The following BRAP variants were observed in gnomAD, a reference collection of about 807,000 sequenced individuals.
The protein encoded by BRAP is BRCA1 associated protein.
A neutral mutation model predicts 73.4 loss-of-function variants in BRAP; 42 were observed. The observed-to-expected ratio is 0.57, with a 90% CI of 0.45 to 0.74. The LOEUF is 0.74. BRAP is among the 30% of genes least tolerant of loss of function. The probability of loss-of-function intolerance (pLI) is 0.00; values close to 1 mark genes in which losing one functional copy is unlikely to be tolerated. For missense variants in BRAP, 593 were observed against 751.4 expected, an observed-to-expected ratio of 0.79 and a Z score of 2.46; for synonymous variants, 255 against 267.4, an observed-to-expected ratio of 0.95 and a Z score of 0.45.
intron 5 of BRAP, chr12:111,669,726 T>G (rs1288409381): frequency 3.7e-6 from 1 of 269,626 alleles, no homozygotes; most frequent in Non-Finnish European, 7.2e-6. Flanking sequence ...CAGCTCAATA[T>G]TTAAACAAAA....
chr12:111,670,303 C>T, intron 5 of BRAP: 1 of 566,144 alleles, frequency 1.8e-6, no homozygotes, highest in Non-Finnish European at 3.5e-6. Flanking sequence ...GTTTTTCTGC[C>T]TCTTCTTCAG....
intron 7 of BRAP, 27 bp downstream of exon 7, chr12:111,660,573 T>A: frequency 6.3e-7 from 1 of 1,575,606 alleles, no homozygotes; most frequent in Non-Finnish European, 8.6e-7. Context: ...CTGCATTCTT[T>A]GTTCTTTTCC....
rs374120643 is a variant in BRAP, at chr12:111,665,085, G to T, written c.896+554C>A. On this transcript the variant is annotated intron_variant, in intron 6 of 11. Coordinates refer to ENST00000419234, the MANE Select transcript of BRAP (RefSeq NM_006768.5). This position sits in a 1 kb window ranked among gnomAD's most constrained non-coding sequence, Gnocchi z 4.3. ...AAGGGAGCAACCATCCTGGATTTAG[G>T]GGGTAAAAAAAAGGTACAGGCCTTA... Among the ~76,000 whole-genome samples the T allele has an allele frequency of 2.0e-5, 3 of 152,020 alleles. No individual in the cohort carries two copies. Among genetic ancestry groups the T allele is most frequent in the East Asian group, 3.8e-4 (2 of 5,196 alleles).
At position 111,650,561 on chromosome 12, in the gene BRAP, C is replaced by T. The variant is rs540395316; in HGVS notation, c.1312-519G>A. On this transcript the variant is annotated intron_variant, in intron 10 of 11. Transcript: ENST00000419234. Reference sequence around the variant, plus strand: ...GATTACAGGCGTGAGCCACCGTGCCCGGCCTAATTTTTCTATTTTTTAGTA... The same window carrying T: ...GATTACAGGCGTGAGCCACCGTGCCTGGCCTAATTTTTCTATTTTTTAGTA... Among the ~76,000 whole-genome samples the T allele has an allele frequency of 3.4e-4, 52 of 152,004 alleles. 3 individuals are homozygous for T. The South Asian group carries it at 6.8e-3, about 20-fold the overall frequency.
chr12:111,644,070 G>A lies in BRAP; in HGVS notation c.*129C>T. The A allele has an allele frequency of 7.4e-7, 1 of 1,355,320 alleles. No homozygotes were observed. Among genetic ancestry groups the A allele is most frequent in the Non-Finnish European group, 9.8e-7 (1 of 1,017,134 alleles). 84.0% of individuals were successfully genotyped at this position (1,355,320 alleles called of 1,614,324 possible). ...CTACATCACACACTAGCAAATGAAAGAGCCAAACAACTGTGGCTTGATCCT... is the reference window on the plus strand; with the variant it reads ...CTACATCACACACTAGCAAATGAAAAAGCCAAACAACTGTGGCTTGATCCT... On this transcript the variant is annotated 3_prime_UTR_variant, in exon 12 of 12. Coordinates refer to ENST00000419234, the MANE Select transcript of BRAP (RefSeq NM_006768.5).
intron 3 of BRAP, 143 bp from the exon 4 acceptor site, chr12:111,679,483 C>T (rs1422897953): frequency 4.0e-6 from 2 of 498,438 alleles, no homozygotes; most frequent in Non-Finnish European, 6.4e-6. Flanking sequence ...TTATACCCCC[C>T]ATTGGACTTT....
intron 2 of BRAP, 26 bp from the exon 3 acceptor site, chr12:111,681,861 T>C: frequency 6.3e-7 from 1 of 1,584,866 alleles, no homozygotes; most frequent in Non-Finnish European, 8.6e-7. Flanking sequence ...AAATAGCAGA[T>C]TATAAATGGA....
At chr12:111,666,056 G>T (rs965926519) in intron 5 of BRAP, among the ~76,000 whole-genome samples, 9 of 152,146 alleles carry the variant, frequency 5.9e-5, no homozygotes, top group African/African-American at 1.9e-4. Flanking sequence ...ACTCCTGGCA[G>T]GATATCCTCA....
intron 8 of BRAP, 149 bp from the exon 9 acceptor site, chr12:111,658,994 G>C: frequency 1.3e-6 from 1 of 780,904 alleles, no homozygotes; most frequent in East Asian, 2.7e-5. Flanking sequence ...TTTTAGAGGG[G>C]AGGGAGAAAG....
intron 11 of BRAP, among the ~76,000 whole-genome samples, chr12:111,646,924 G>A (rs1214752215): frequency 6.6e-6 from 1 of 152,182 alleles, no homozygotes; most frequent in Non-Finnish European, 1.5e-5. Flanking sequence ...ATAGTAGTGT[G>A]AGATTTGACA....
At position 111,655,663 on chromosome 12, in the gene BRAP, CATAGAGA is replaced by C; in HGVS notation, c.1222-15_1222-9del. 1 of 1,599,870 alleles carries C rather than the reference CATAGAGA, an allele frequency of 6.3e-7. No homozygotes were observed. The highest frequency in any genetic ancestry group is 1.1e-5 in the South Asian group (1 of 90,772). The stretch of plus-strand genomic sequence containing the variant: ...TGTTAGTAAATATGAATACTAGAAA[CATAGAGA>C]ATAAAGACCAAAATGTAAGTCACTG... On this transcript the variant is annotated splice_polypyrimidine_tract_variant and intron_variant, in intron 9 of 11. Transcript: ENST00000419234.
chr12:111,656,730 T>C (rs1012239189), intron 9 of BRAP, among the ~76,000 whole-genome samples: 1 of 152,058 alleles, frequency 6.6e-6, no homozygotes, highest in Non-Finnish European at 1.5e-5. Flanking sequence ...ATTTTTCTTT[T>C]TTCTTTCTTT....
At chr12:111,676,002 C>T (rs1206009362) in intron 4 of BRAP, among the ~76,000 whole-genome samples, 1 of 152,070 alleles carries the variant, frequency 6.6e-6, no homozygotes, top group African/African-American at 2.4e-5. Flanking sequence ...CTAAGGGTCA[C>T]ACTACAAATT....
At position 111,665,873 on chromosome 12, in the gene BRAP, C is replaced by T. The variant is rs1886920382; in HGVS notation, c.748-86G>A. 1.3e-6 allele frequency: 2 copies of T among 1,539,962 alleles called. No individual in the cohort carries two copies. The highest frequency in any genetic ancestry group is 8.9e-7 in the Non-Finnish European group (1 of 1,128,880). ...TTCTTTTTTCTGAGACAGGGTCTCG[C>T]TCTCTGTCACCCACGCTGGAGCCCA... is the stretch of plus-strand genomic sequence containing the variant. On this transcript the variant is annotated intron_variant, in intron 5 of 11. Coordinates refer to ENST00000419234, the MANE Select transcript of BRAP (RefSeq NM_006768.5). The surrounding 1 kb of genome is among the most constrained non-coding windows in gnomAD (Gnocchi z 4.3).
intron 1 of BRAP, among the ~76,000 whole-genome samples, chr12:111,683,876 G>C (rs950112343): frequency 6.6e-6 from 1 of 152,102 alleles, no homozygotes; most frequent in African/African-American, 2.4e-5. Flanking sequence ...TCGCCAAAGA[G>C]GGAGCCTTAG....
intron 10 of BRAP, among the ~76,000 whole-genome samples, chr12:111,652,942 C>T (rs1235313410): frequency 1.3e-5 from 2 of 152,150 alleles, no homozygotes; most frequent in African/African-American, 4.8e-5. Context: ...ATCTCTTGAC[C>T]TCATGATCCG....
chr12:111,656,278 G>A (rs1283298666), intron 9 of BRAP, among the ~76,000 whole-genome samples: 1 of 152,232 alleles, frequency 6.6e-6, no homozygotes. Flanking sequence ...ATGACAGTAA[G>A]ATGTGAGAGA....
chr12:111,651,062 T>G (rs968757991), intron 10 of BRAP, among the ~76,000 whole-genome samples: 1 of 151,862 alleles, frequency 6.6e-6, no homozygotes, highest in African/African-American at 2.4e-5. Context: ...AGCAAAAGAT[T>G]TGGTGGGAAG....
chr12:111,644,335 T>G lies in BRAP; in HGVS notation c.1643A>C (p.His548Pro), dbSNP rs752512186. Residue 548 changes from histidine to proline, a missense_variant, in exon 12 of 12, where the codon CAT becomes CCT. His to Pro is a moderately conservative substitution (Grantham distance 77). Around this residue, in one of 4 missense-constraint regions of BRAP, gnomAD observed 79 missense variants for 65.3 expected, o/e 1.21. Coordinates refer to ENST00000419234, the MANE Select transcript of BRAP (RefSeq NM_006768.5). ...FYLETQQKIN[H>P]LPAETRQEIQ... is the part of the protein sequence containing the mutation. Reference sequence around the variant, plus strand: ...TTCCTGCCGGGTCTCGGCAGGCAGATGGTTGATCTTCTGCTGTGTCTCCAG... The same window carrying G: ...TTCCTGCCGGGTCTCGGCAGGCAGAGGGTTGATCTTCTGCTGTGTCTCCAG... The G allele has an allele frequency of 6.2e-7, 1 of 1,613,966 alleles. No individual in the cohort carries two copies. Among genetic ancestry groups the G allele is most frequent in the South Asian group, 1.1e-5 (1 of 91,064 alleles).
Sources: allele counts gnomAD v4.1 joint callset (sites outside exome capture counted in the v4.1 genomes callset), GRCh38; gene constraint gnomAD v4.1.1; regional missense constraint gnomAD v4.1.1; non-coding constraint Gnocchi (gnomAD v3.1); transcripts MANE v1.5; gene names NCBI Gene and HGNC (gene_info 2026-07-23, HGNC 2026-07-21).